The following PALLD variants were observed in gnomAD, a reference collection of about 807,000 sequenced individuals.
PALLD encodes the protein palladin.
Under a neutral mutation model 123.5 loss-of-function variants are expected in PALLD, and 61 were observed. That is an observed-to-expected ratio of 0.49 (90% CI 0.40 to 0.61). The LOEUF (loss-of-function observed/expected upper bound fraction) is 0.61, where lower values mean the gene tolerates loss of function less well. PALLD is among the 20% of genes least tolerant of loss of function. PALLD has a pLI of 0.00. For synonymous variants in PALLD, 465 were observed against 496.4 expected (o/e 0.94, Z 0.84); for missense variants, 1,273 against 1,377.0 (o/e 0.92, Z 1.20).
chr4:168,563,407 C>T (rs1768057810), intron 2 of PALLD, among the ~76,000 whole-genome samples: 1 of 152,198 alleles, frequency 6.6e-6, no homozygotes. Context: ...TAACCAGAAA[C>T]ATCATGCTGT....
In PALLD at chr4:168,623,004, A is replaced by G. The variant is rs868812329; in HGVS notation, c.909-45186A>G. Among the ~76,000 whole-genome samples the G allele has an allele frequency of 1.3e-5, 2 of 152,362 alleles. 1 individual carries two copies. The highest frequency in any genetic ancestry group is 6.8e-3 in the Middle Eastern group (2 of 294). ...ACATTTTCATAGGAGAGTTAAGCCC[A>G]CTATCAAGGTACTTATTATTGAATT... On this transcript the variant is annotated intron_variant, in intron 2 of 21. Coordinates refer to ENST00000505667, the MANE Select transcript of PALLD (RefSeq NM_001166108.2).
At chr4:168,865,947 G>A (rs1750210015) in intron 10 of PALLD, among the ~76,000 whole-genome samples, 1 of 152,150 alleles carries the variant, frequency 6.6e-6, no homozygotes, top group Non-Finnish European at 1.5e-5. Flanking sequence ...TAGCCCAGTG[G>A]CAGCAGATGC....
chr4:168,884,228 T>A (rs1429597174), intron 10 of PALLD, among the ~76,000 whole-genome samples: 1 of 152,208 alleles, frequency 6.6e-6, no homozygotes, highest in Non-Finnish European at 1.5e-5. Context: ...AACCCTGTCC[T>A]CAACTTTTAA....
chr4:168,610,882 CCA>C, intron 2 of PALLD, among the ~76,000 whole-genome samples: 1 of 152,300 alleles, frequency 6.6e-6, no homozygotes, highest in South Asian at 2.1e-4. Flanking sequence ...GTTCTTTTCT[CCA>C]TGGGTACAGG....
intron 10 of PALLD, among the ~76,000 whole-genome samples, chr4:168,866,007 TG>T (rs892619102): frequency 9.9e-5 from 15 of 151,740 alleles, no homozygotes; most frequent in African/African-American, 3.6e-4. Context: ...AGGCCATGTG[TG>T]GTGGCTCACA....
intron 14 of PALLD, among the ~76,000 whole-genome samples, chr4:168,900,644 G>A (rs571068419): frequency 7.2e-5 from 11 of 152,130 alleles, no homozygotes; most frequent in East Asian, 1.9e-4. Flanking sequence ...AAACTGAATC[G>A]CAACGCCAAA....
rs542948022 is a variant in PALLD at position 168,673,669 on chromosome 4, G to A, written c.1087+5301G>A. Among the ~76,000 whole-genome samples the A allele has an allele frequency of 2.0e-5, 3 of 152,336 alleles. No homozygotes were observed. In the South Asian group the frequency reaches 6.2e-4, roughly 32 times the overall value. On this transcript the variant is annotated intron_variant, in intron 3 of 21. Coordinates refer to ENST00000505667, the MANE Select transcript of PALLD (RefSeq NM_001166108.2). ...GCGGGTGCCTCAGGAGGATATGGCG[G>A]AGATGAGGGAGTGAGTCAGATTCGA...
At chr4:168,892,922 CAAGT>C (rs1009297534) in intron 11 of PALLD, among the ~76,000 whole-genome samples, 12 of 152,150 alleles carry the variant, frequency 7.9e-5, no homozygotes, top group Non-Finnish European at 1.5e-4. Context: ...CTTAAAATGA[CAAGT>C]AAGGTTTCCC....
chr4:168,658,285 G>GTTTTTTT (rs66527351), intron 2 of PALLD, among the ~76,000 whole-genome samples: 11 of 131,618 alleles, frequency 8.4e-5, no homozygotes, highest in South Asian at 2.3e-4. Flanking sequence ...TTTTTATTTG[G>GTTTTTTT]TTTTTTTTTT....
chr4:168,646,878 A>G (rs909769360), intron 2 of PALLD, among the ~76,000 whole-genome samples: 4 of 152,226 alleles, frequency 2.6e-5, no homozygotes, highest in Non-Finnish European at 4.4e-5. Context: ...GTAACAATAT[A>G]GTTTTAAAAT....
At chr4:168,629,732 T>G (rs1222237131) in intron 2 of PALLD, among the ~76,000 whole-genome samples, 2 of 152,138 alleles carry the variant, frequency 1.3e-5, no homozygotes, top group Admixed American at 1.3e-4. Flanking sequence ...TTGGGATAGT[T>G]CTCATTTGGA....
chr4:168,685,810 G>GAAAAAA (rs70961550), intron 6 of PALLD, among the ~76,000 whole-genome samples: 25 of 65,660 alleles, frequency 3.8e-4, no homozygotes, highest in African/African-American at 5.8e-4. Flanking sequence ...AAGACAGATA[G>GAAAAAA]AAAAAAAAAA....
At chr4:168,855,089 CTTT>C (rs11338063) in intron 10 of PALLD, among the ~76,000 whole-genome samples, 21 of 103,958 alleles carry the variant, frequency 2.0e-4, no homozygotes, top group African/African-American at 5.5e-4. Context: ...AAGGAATGTT[CTTT>C]TTTTTTTTTT....
rs534376976 is a variant in PALLD at position 168,639,795 on chromosome 4, C to T, written c.909-28395C>T. Among the ~76,000 whole-genome samples, 15 of 152,266 alleles carry T rather than the reference C, an allele frequency of 9.9e-5. 1 individual carries two copies. The South Asian group carries it at 1.7e-3, about 17-fold the overall frequency. ...TTCTGACCTCGTGATCCGCCCGCCT[C>T]GGCCACCCAAAGTGCTGGGATTATA... is the stretch of plus-strand genomic sequence containing the variant. On this transcript the variant is annotated intron_variant, in intron 2 of 21. Coordinates refer to ENST00000505667, the MANE Select transcript of PALLD (RefSeq NM_001166108.2).
chr4:168,783,316 G>A (rs1736217068), intron 10 of PALLD, among the ~76,000 whole-genome samples: 1 of 152,058 alleles, frequency 6.6e-6, no homozygotes, highest in African/African-American at 2.4e-5. Flanking sequence ...TAGTATAAGA[G>A]AGCTAAGCAA....
At chr4:168,777,665 T>C (rs979954480) in intron 10 of PALLD, among the ~76,000 whole-genome samples, 17 of 152,132 alleles carry the variant, frequency 1.1e-4, no homozygotes, top group Non-Finnish European at 2.4e-4. Context: ...CTGGTTTGTT[T>C]TGTTTTGTTT....
chr4:168,658,284 G>GTTTTTTTTTTTTTTT lies in PALLD; in HGVS notation c.909-9906_909-9905insTTTTTTTTTTTTTTT, dbSNP rs755942969. 1.1e-3 allele frequency among the ~76,000 whole-genome samples: 129 copies of GTTTTTTTTTTTTTTT among 120,680 alleles called. 5 individuals carry two copies. Among genetic ancestry groups the GTTTTTTTTTTTTTTT allele is most frequent in the Middle Eastern group, 4.5e-3 (1 of 224 alleles). The allele number at this position is 120,680 out of a possible 152,430, so 79.2% of individuals were successfully genotyped here. A position where few individuals can be genotyped will look rare whatever the true frequency, so the allele number is the denominator to read the frequency against. ...TTTTGTTGGTGGTGGGTTTTTATTT[G>GTTTTTTTTTTTTTTT]GTTTTTTTTTTTTTTTTTGTGATGA... is the stretch of plus-strand genomic sequence containing the variant. On this transcript the variant is annotated intron_variant, in intron 2 of 21. Coordinates refer to ENST00000505667, the MANE Select transcript of PALLD (RefSeq NM_001166108.2).
At chr4:168,875,762 C>G (rs1478308847) in intron 10 of PALLD, among the ~76,000 whole-genome samples, 1 of 152,158 alleles carries the variant, frequency 6.6e-6, no homozygotes, top group African/African-American at 2.4e-5. Context: ...TTTTAATGCC[C>G]GAATGAATAA....
chr4:168,706,775 A>G (rs768734714), intron 8 of PALLD, among the ~76,000 whole-genome samples: 8 of 152,194 alleles, frequency 5.3e-5, no homozygotes, highest in Non-Finnish European at 7.3e-5. Flanking sequence ...TATATATTTG[A>G]CCCAATAACA....
Sources: allele counts gnomAD v4.1 joint callset (sites outside exome capture counted in the v4.1 genomes callset), GRCh38; gene constraint gnomAD v4.1.1; transcripts MANE v1.5; gene names NCBI Gene and HGNC (gene_info 2026-07-23, HGNC 2026-07-21).